ARPC1B: variants seen among roughly 807,000 people sequenced by gnomAD.
ARPC1B encodes actin related protein 2/3 complex subunit 1B, also known as actin-related protein 2/3 complex subunit 1B.
ARPC1B carries 29 observed loss-of-function variants against 46.0 expected under a neutral mutation model. The ratio of observed to expected loss-of-function variants is 0.63; its 90% CI spans 0.47 to 0.86. ARPC1B has a LOEUF of 0.86. ARPC1B is among the 40% of genes least tolerant of loss of function. The pLI is 0.00. For missense variants in ARPC1B, 469 were observed against 529.4 expected (o/e 0.89, Z 1.12); for synonymous variants, 201 against 213.9 (o/e 0.94, Z 0.53).
At chr7:99,387,105 T>C (rs117532584) in intron 3 of ARPC1B, among the ~76,000 whole-genome samples, 6 of 152,262 alleles carry the variant, frequency 3.9e-5, no homozygotes, top group Admixed American at 3.3e-4. Context: ...GCTCTAGGAG[T>C]GCCCCCTGGT....
intron 1 of ARPC1B, among the ~76,000 whole-genome samples, chr7:99,380,724 C>G (rs1285834953): frequency 6.6e-6 from 1 of 152,206 alleles, no homozygotes; most frequent in East Asian, 1.9e-4. Flanking sequence ...TGGCTGGGCA[C>G]ACAGCAAGAA....
chr7:99,387,370 G>A (rs1017999464), intron 3 of ARPC1B, among the ~76,000 whole-genome samples: 1 of 152,180 alleles, frequency 6.6e-6, no homozygotes, highest in African/African-American at 2.4e-5. Flanking sequence ...GGAGGCGGAG[G>A]TTGAAGTGAG....
chr7:99,378,981 T>A (rs1443892708), intron 1 of ARPC1B, among the ~76,000 whole-genome samples: 1 of 151,624 alleles, frequency 6.6e-6, no homozygotes, highest in Non-Finnish European at 1.5e-5. Flanking sequence ...GTTTCACCGT[T>A]TTAGCCAGGA....
At chr7:99,382,842 CTT>C (rs756346040) in intron 1 of ARPC1B, among the ~76,000 whole-genome samples, 6,193 of 118,778 alleles carry the variant, frequency 0.052, 173 homozygotes, top group East Asian at 0.22. Context: ...CATTCCTAAC[CTT>C]TTTTTTTTTT....
chr7:99,390,892 G>A lies in ARPC1B; in HGVS notation c.501-1G>A, dbSNP rs1400818656. 6.2e-7 allele frequency: 1 copy of A among 1,600,890 alleles called. No homozygotes were observed. The highest frequency in any genetic ancestry group is 8.5e-7 in the Non-Finnish European group (1 of 1,170,548). ...TACCTCTACTTTGCCTATCCCGGTA[G>A]GATCTTTTCAGCCTACATCAAGGAG... On this transcript the variant is annotated splice_acceptor_variant, in intron 5 of 9. Transcript: ENST00000646101. LOFTEE classifies it high-confidence loss of function.
At chr7:99,387,717 G>T (rs574750983) in intron 3 of ARPC1B, among the ~76,000 whole-genome samples, 6 of 146,318 alleles carry the variant, frequency 4.1e-5, no homozygotes, top group Non-Finnish European at 6.0e-5. Flanking sequence ...AGCTTGGGCG[G>T]CTGAGCGAGA....
rs1353857952 is a variant in ARPC1B at position 99,389,687 on chromosome 7, G to A, written c.393-218G>A. On this transcript the variant is annotated intron_variant, in intron 4 of 9. Transcript: ENST00000646101. ...TCTGAGGGTGACTGTGTGGCCTAAA[G>A]GATAGAGGGCACAGAGTTCCCACTC... is the stretch of plus-strand genomic sequence containing the variant. 1.8e-5 allele frequency: 10 copies of A among 549,038 alleles called. No individual in the cohort carries two copies. In the Admixed American group the frequency reaches 2.5e-4, roughly 14 times the overall value. The allele number at this position is 549,038 out of a possible 1,614,324, so 34.0% of individuals were successfully genotyped here. A position where few individuals can be genotyped will look rare whatever the true frequency, so the allele number is the denominator to read the frequency against.
chr7:99,385,593 G>T, intron 1 of ARPC1B, 109 bp from the exon 2 acceptor site: 1 of 930,954 alleles, frequency 1.1e-6, no homozygotes. Flanking sequence ...TCTAAACTGA[G>T]GGGCCTCCCT....
chr7:99,390,138 G>A (rs1249087740), intron 5 of ARPC1B, 126 bp downstream of exon 5: 3 of 803,994 alleles, frequency 3.7e-6, no homozygotes, highest in East Asian at 2.7e-5. Flanking sequence ...GCTACCAGTG[G>A]ATGACCTGGG....
chr7:99,385,876 G>A (rs959246358), intron 2 of ARPC1B, 98 bp downstream of exon 2: 48 of 1,265,498 alleles, frequency 3.8e-5, no homozygotes, highest in African/African-American at 3.3e-4. Flanking sequence ...CCAGGCCCCC[G>A]GACCATGGGC....
At chr7:99,379,992 T>G (rs1359818877) in intron 1 of ARPC1B, among the ~76,000 whole-genome samples, 1 of 152,158 alleles carries the variant, frequency 6.6e-6, no homozygotes. Flanking sequence ...CCCACAGTGC[T>G]GGCTCACAGG....
intron 1 of ARPC1B, among the ~76,000 whole-genome samples, chr7:99,379,428 G>T (rs560058708): frequency 1.3e-5 from 2 of 152,262 alleles, no homozygotes; most frequent in East Asian, 3.9e-4. Flanking sequence ...TTAGCCTGCT[G>T]GCTGCTCTAT....
At chr7:99,374,629 A>C (rs1793978050), upstream of ARPC1B, 1 of 151,762 alleles carries the variant, frequency 6.6e-6, no homozygotes, top group Non-Finnish European at 1.5e-5. This position sits in a 1 kb window ranked among gnomAD's most constrained non-coding sequence, Gnocchi z 5.0. Context: ...GGATCTCGCG[A>C]CCGCTGCCCC....
rs1270433413 is a variant in ARPC1B at position 99,388,211 on chromosome 7, C to T, written c.342C>T (p.Gly114=). Residue 114 remains glycine, a synonymous_variant, in exon 4 of 10, where the codon GGC becomes GGT. Transcript: ENST00000646101. ...CCAACGAGAACAAGTTTGCTGTGGG[C>T]AGCGGCTCTCGTGTGATCTCCATCT... ...WAPNENKFAV[G]SGSRVISICY... 2 of 1,614,240 alleles carry T rather than the reference C, an allele frequency of 1.2e-6. No individual in the cohort carries two copies. The highest frequency in any genetic ancestry group is 1.3e-5 in the African/African-American group (1 of 75,074).
In ARPC1B at chr7:99,394,598, C is replaced by T. The variant is rs1389011410; in HGVS notation, c.*109C>T. 2 of 1,567,960 alleles carry T rather than the reference C, an allele frequency of 1.3e-6. No homozygotes were observed. The highest frequency in any genetic ancestry group is 4.6e-5 in the East Asian group (2 of 43,556). ...TGTTTCTGGGGTACCAATACGAGTT[C>T]CCATAGGGGCTGCTCCCTCAAAAAG... On this transcript the variant is annotated 3_prime_UTR_variant, in exon 10 of 10. Transcript: ENST00000646101.
chr7:99,377,444 C>G (rs1253517292), intron 1 of ARPC1B: 1 of 151,768 alleles, frequency 6.6e-6, no homozygotes, highest in Non-Finnish European at 1.5e-5. Context: ...TCTCAGGTAG[C>G]TGGGATTACA....
intron 1 of ARPC1B, chr7:99,377,289 A>C (rs1584396502): frequency 2.0e-5 from 3 of 148,896 alleles, no homozygotes; most frequent in Admixed American, 6.7e-5. Context: ...ATGAGCCTCC[A>C]CGCCTGCCTT....
At chr7:99,389,674 T>C (rs574180066) in intron 4 of ARPC1B, 2 of 511,366 alleles carry the variant, frequency 3.9e-6, no homozygotes, top group Admixed American at 6.7e-5. Context: ...TGAGGGTGAC[T>C]GTGTGGCCTA....
At chr7:99,381,405 G>A (rs182869891) in intron 1 of ARPC1B, among the ~76,000 whole-genome samples, 1 of 152,250 alleles carries the variant, frequency 6.6e-6, no homozygotes, top group East Asian at 1.9e-4. Flanking sequence ...GTGGGGAGGT[G>A]CAGTGTGCAT....
Sources: allele counts gnomAD v4.1 joint callset (sites outside exome capture counted in the v4.1 genomes callset), GRCh38; gene constraint gnomAD v4.1.1; non-coding constraint Gnocchi (gnomAD v3.1); transcripts MANE v1.5; gene names NCBI Gene and HGNC (gene_info 2026-07-23, HGNC 2026-07-21).